The following TMEM243 variants were observed in gnomAD, a reference collection of about 807,000 sequenced individuals.
TMEM243 encodes the protein MDR1 and mitochondrial taxol resistance associated.
TMEM243 carries 20 observed loss-of-function variants against 15.0 expected under a neutral mutation model. That is an observed-to-expected ratio of 1.33 (90% CI 0.94 to 1.93). The LOEUF (loss-of-function observed/expected upper bound fraction) is 1.93, where lower values mean the gene tolerates loss of function less well. Among genes scored for constraint, TMEM243 ranks in the 30% most tolerant of loss-of-function variants. TMEM243 has a pLI of 0.00. For synonymous variants in TMEM243, 72 were observed against 52.7 expected (o/e 1.37, Z -1.59); for missense variants, 156 against 142.1 (o/e 1.10, Z -0.50).
At chr7:87,213,201 CCT>C (rs1209044023) in intron 1 of TMEM243, among the ~76,000 whole-genome samples, 1 of 152,210 alleles carries the variant, frequency 6.6e-6, no homozygotes, top group Admixed American at 6.5e-5. Context: ...ACCAGCATCC[CCT>C]GAGGACCTTC....
At chr7:87,196,814 C>T in intron 3 of TMEM243, 56 bp from the exon 4 acceptor site, 1 of 1,272,198 alleles carries the variant, frequency 7.9e-7, no homozygotes, top group South Asian at 1.4e-5. Flanking sequence ...ATTTTCTCTA[C>T]CAATTTCAAA....
intron 1 of TMEM243, among the ~76,000 whole-genome samples, chr7:87,212,766 A>C (rs1802843555): frequency 1.3e-5 from 2 of 152,184 alleles, no homozygotes. Context: ...CTAAATTCTC[A>C]CTTTGCTTAA....
intron 3 of TMEM243, among the ~76,000 whole-genome samples, chr7:87,197,502 C>T (rs760468217): frequency 6.6e-6 from 1 of 151,930 alleles, no homozygotes; most frequent in Non-Finnish European, 1.5e-5. Context: ...GTGTTAATAC[C>T]TCCATTTTGG....
At position 87,198,039 on chromosome 7, in the gene TMEM243, G is replaced by A. The variant is rs1485910170; in HGVS notation, c.136C>T (p.Leu46=). Residue 46 remains leucine (L), a synonymous_variant, in exon 3 of 4, where the codon CTG becomes TTG. Coordinates refer to ENST00000257637, the MANE Select transcript of TMEM243 (RefSeq NM_024315.4). ...SLTSLLILVT[L]ISAFVFPQLP... is the part of the protein sequence containing the mutation. ...TGAGGGAAAACAAAAGCACTTATCAGCGTTACCTGTATGAAGAGAAATTAT... is the reference window on the plus strand; with the variant it reads ...TGAGGGAAAACAAAAGCACTTATCAACGTTACCTGTATGAAGAGAAATTAT... 1 of 1,611,858 alleles carries A rather than the reference G, an allele frequency of 6.2e-7. No homozygotes were observed. The highest frequency in any genetic ancestry group is 1.3e-5 in the African/African-American group (1 of 74,860).
chr7:87,219,163 C>A (rs1181486508), intron 1 of TMEM243, among the ~76,000 whole-genome samples: 2 of 152,156 alleles, frequency 1.3e-5, no homozygotes, highest in African/African-American at 4.8e-5. Flanking sequence ...GAGGGGGTTC[C>A]CGCACTCCCC....
chr7:87,209,772 G>GAC (rs779839859), intron 1 of TMEM243, among the ~76,000 whole-genome samples: 10 of 46,884 alleles, frequency 2.1e-4, no homozygotes, highest in East Asian at 4.9e-4. Flanking sequence ...GTGAGAGCGA[G>GAC]ACAGAGCGAG....
rs1802321109 is a variant in TMEM243 at position 87,207,590 on chromosome 7, C to T, written c.79-8533G>A. Among the ~76,000 whole-genome samples, 2 of 4,148 alleles carry T rather than the reference C, an allele frequency of 4.8e-4. 1 individual carries two copies. The allele number at this position is 4,148 out of a possible 152,430, so 2.7% of individuals were successfully genotyped here. A position where few individuals can be genotyped will look rare whatever the true frequency, so the allele number is the denominator to read the frequency against. On this transcript the variant is annotated intron_variant, in intron 1 of 3. Transcript: ENST00000257637. Reference sequence around the variant, plus strand: ...CCACCTGGGCCACAGAGCGAGACTCCGTCTCAAAAAAAAAAAAAGAAAAGC... The same window carrying T: ...CCACCTGGGCCACAGAGCGAGACTCTGTCTCAAAAAAAAAAAAAGAAAAGC...
rs1413802148 is a variant in TMEM243, at chr7:87,196,318, T to C, written c.*318A>G. ...AGTTTAACAGAAATAAAAGAATATTTGTCTTAAGATGCAAGATTTGTTTTT... is the reference window on the plus strand; with the variant it reads ...AGTTTAACAGAAATAAAAGAATATTCGTCTTAAGATGCAAGATTTGTTTTT... On this transcript the variant is annotated 3_prime_UTR_variant, in exon 4 of 4. Transcript: ENST00000257637. 1.9e-5 allele frequency: 4 copies of C among 206,338 alleles called. No homozygotes were observed. Among genetic ancestry groups the C allele is most frequent in the African/African-American group, 9.3e-5 (4 of 43,004 alleles). The allele number at this position is 206,338 out of a possible 1,614,324, so 12.8% of individuals were successfully genotyped here.
At chr7:87,197,002 TCCA>T (rs1372031494) in intron 3 of TMEM243, among the ~76,000 whole-genome samples, 1 of 152,060 alleles carries the variant, frequency 6.6e-6, no homozygotes, top group Non-Finnish European at 1.5e-5. Flanking sequence ...ACCTGTATAC[TCCA>T]CCAGTCATCT....
At position 87,199,239 on chromosome 7, in the gene TMEM243, TTGGGAAAA is replaced by T. The variant is rs1801608965; in HGVS notation, c.79-190_79-183del. 5 of 486,648 alleles carry T rather than the reference TTGGGAAAA, an allele frequency of 1.0e-5. No individual in the cohort carries two copies. The South Asian group carries it at 2.0e-4, about 19-fold the overall frequency. 30.1% of individuals were successfully genotyped at this position (486,648 alleles called of 1,614,324 possible). A position where few individuals can be genotyped will look rare whatever the true frequency, so the allele number is the denominator to read the frequency against. ...GAACCATAAGAGTGGAAAATGTACT[TTGGGAAAA>T]TGGCCAACTGGGGAAGGTTTCTTGA... On this transcript the variant is annotated intron_variant, in intron 1 of 3. Coordinates refer to ENST00000257637, the MANE Select transcript of TMEM243 (RefSeq NM_024315.4).
intron 1 of TMEM243, among the ~76,000 whole-genome samples, chr7:87,206,300 T>G (rs1802214624): frequency 6.6e-6 from 1 of 152,172 alleles, no homozygotes; most frequent in Non-Finnish European, 1.5e-5. Context: ...TCAACTTCAC[T>G]GTAAATCCTT....
chr7:87,212,146 AAG>A (rs1416357432), intron 1 of TMEM243, among the ~76,000 whole-genome samples: 1 of 152,202 alleles, frequency 6.6e-6, no homozygotes, highest in African/African-American at 2.4e-5. Flanking sequence ...AAGCCCCTAC[AAG>A]AGAGTATCTG....
rs2129215250 is a variant in TMEM243, at chr7:87,196,447, T to A, written c.*189A>T. On this transcript the variant is annotated 3_prime_UTR_variant, in exon 4 of 4. Transcript: ENST00000257637. Reference sequence around the variant, plus strand: ...TGGAATGTTTAGGTGCAACATCAGCTCCTTAAAGAAAAAGCAAAGTGATCT... The same window carrying A: ...TGGAATGTTTAGGTGCAACATCAGCACCTTAAAGAAAAAGCAAAGTGATCT... The A allele has an allele frequency of 3.8e-6, 2 of 522,228 alleles. No homozygotes were observed. Among genetic ancestry groups the A allele is most frequent in the South Asian group, 6.1e-5 (2 of 32,952 alleles). The allele number at this position is 522,228 out of a possible 1,614,324, so 32.3% of individuals were successfully genotyped here.
chr7:87,207,844 C>G (rs1464897987), intron 1 of TMEM243, among the ~76,000 whole-genome samples: 1 of 152,214 alleles, frequency 6.6e-6, no homozygotes, highest in Non-Finnish European at 1.5e-5. Context: ...CTCACACCTT[C>G]AAGTGTCCTC....
intron 1 of TMEM243, among the ~76,000 whole-genome samples, chr7:87,210,815 G>A (rs1316441658): frequency 6.6e-6 from 1 of 152,230 alleles, no homozygotes; most frequent in African/African-American, 2.4e-5. Context: ...CCTTGCAGCA[G>A]ACTTCTGGAC....
chr7:87,218,138 T>C (rs761680238), intron 1 of TMEM243, among the ~76,000 whole-genome samples: 1 of 152,224 alleles, frequency 6.6e-6, no homozygotes, highest in Non-Finnish European at 1.5e-5. Context: ...CACATCACAT[T>C]TGTCTACGTT....
intron 1 of TMEM243, among the ~76,000 whole-genome samples, chr7:87,209,538 A>G (rs11765564): frequency 1.6e-4 from 23 of 145,166 alleles, no homozygotes; most frequent in Non-Finnish European, 2.6e-4. Flanking sequence ...GTGAGAGAGA[A>G]AGTGAGAGAC....
chr7:87,196,332 A>G lies in TMEM243; in HGVS notation c.*304T>C, dbSNP rs1200080604. ...AAAAGAATATTTGTCTTAAGATGCA[A>G]GATTTGTTTTTACATAGCCTTTTGC... On this transcript the variant is annotated 3_prime_UTR_variant, in exon 4 of 4. Transcript: ENST00000257637. 4.4e-6 allele frequency: 1 copy of G among 228,900 alleles called. No homozygotes were observed. The highest frequency in any genetic ancestry group is 1.1e-4 in the East Asian group (1 of 9,064). 14.2% of individuals were successfully genotyped at this position (228,900 alleles called of 1,614,324 possible). A position where few individuals can be genotyped will look rare whatever the true frequency, so the allele number is the denominator to read the frequency against.
At chr7:87,206,833 C>G (rs1217823635) in intron 1 of TMEM243, among the ~76,000 whole-genome samples, 2 of 152,186 alleles carry the variant, frequency 1.3e-5, no homozygotes, top group Non-Finnish European at 2.9e-5. Flanking sequence ...AATGAATGTT[C>G]GTTAAATGAA....
Sources: allele counts gnomAD v4.1 joint callset (sites outside exome capture counted in the v4.1 genomes callset), GRCh38; gene constraint gnomAD v4.1.1; transcripts MANE v1.5; gene names NCBI Gene and HGNC (gene_info 2026-07-23, HGNC 2026-07-21).